ZNF609: variants seen among roughly 807,000 people sequenced by gnomAD.
ZNF609 encodes the protein zinc finger protein 609.
A neutral mutation model predicts 109.5 loss-of-function variants in ZNF609; 11 were observed. That is an observed-to-expected ratio of 0.10 (90% CI 0.06 to 0.17). ZNF609 has a LOEUF of 0.17. Ranked by LOEUF, ZNF609 falls within the 10% of genes least tolerant of loss-of-function variation. ZNF609 has a pLI of 1.00. For missense variants in ZNF609, 1,559 were observed against 1,772.4 expected, an observed-to-expected ratio of 0.88 and a Z score of 2.16; for synonymous variants, 646 against 662.0, an observed-to-expected ratio of 0.98 and a Z score of 0.37.
At chr15:64,466,206 G>A (rs969563604) in intron 1 of ZNF609, among the ~76,000 whole-genome samples, 2 of 150,228 alleles carry the variant, frequency 1.3e-5, no homozygotes, top group South Asian at 4.2e-4. Flanking sequence ...TGAAAATTCA[G>A]ATTTTTTAAT....
At chr15:64,664,182 T>C (rs1896616181) in intron 3 of ZNF609, among the ~76,000 whole-genome samples, 1 of 152,006 alleles carries the variant, frequency 6.6e-6, no homozygotes, top group Non-Finnish European at 1.5e-5. Context: ...GAGCCGAGAT[T>C]GCACCACTGC....
At chr15:64,582,723 CTTTTTTTTTTTTTTTGAGACAGAGTCTTT>C (rs1895127987) in intron 2 of ZNF609, among the ~76,000 whole-genome samples, 1 of 88,814 alleles carries the variant, frequency 1.1e-5, no homozygotes, top group African/African-American at 4.5e-5. Flanking sequence ...TTTCTTTTTT[CTTTTTTTTTTTTTTTGAGACAGAGTCTTT>C]TTTTTTTTTT....
chr15:64,586,024 G>C (rs1895189390), intron 2 of ZNF609, among the ~76,000 whole-genome samples: 1 of 151,776 alleles, frequency 6.6e-6, no homozygotes, highest in South Asian at 2.1e-4. Flanking sequence ...TGTTATTTTT[G>C]TAGAAATGGG....
At chr15:64,470,653 C>T (rs1410585348) in intron 1 of ZNF609, 2 of 152,102 alleles carry the variant, frequency 1.3e-5, no homozygotes, top group African/African-American at 4.8e-5. Context: ...TCCTGAGTAG[C>T]TGGGATTACA....
intron 3 of ZNF609, chr15:64,654,091 G>A (rs1896455480): frequency 6.6e-6 from 1 of 152,258 alleles, no homozygotes; most frequent in Non-Finnish European, 1.5e-5. Context: ...CCAGGCTGGA[G>A]TGCAGTGGTG....
rs1596377733 is a variant in ZNF609, at chr15:64,478,816, A to G, written c.-128+17978A>G. Among the ~76,000 whole-genome samples the G allele has an allele frequency of 2.6e-5, 4 of 152,326 alleles. 1 individual carries two copies. The South Asian group carries it at 8.3e-4, about 32-fold the overall frequency. ...TCTCTGGGAGGGTTTGCTGTATATC[A>G]AACTTGAAGTCATACATTCTCCCTA... is the stretch of plus-strand genomic sequence containing the variant. On this transcript the variant is annotated intron_variant, in intron 1 of 9. Coordinates refer to ENST00000326648, the MANE Select transcript of ZNF609 (RefSeq NM_015042.2).
At chr15:64,584,685 A>G (rs917657477) in intron 2 of ZNF609, among the ~76,000 whole-genome samples, 4 of 151,672 alleles carry the variant, frequency 2.6e-5, no homozygotes, top group African/African-American at 7.3e-5. Flanking sequence ...CTGGAGTGCA[A>G]TGGTGCAAGC....
chr15:64,554,457 A>G (rs1894543187), intron 2 of ZNF609, among the ~76,000 whole-genome samples: 1 of 151,962 alleles, frequency 6.6e-6, no homozygotes. Context: ...CCTGGACAAC[A>G]AGACAAAACC....
At chr15:64,567,161 G>T (rs938993095) in intron 2 of ZNF609, among the ~76,000 whole-genome samples, 5 of 152,046 alleles carry the variant, frequency 3.3e-5, no homozygotes, top group African/African-American at 1.2e-4. Flanking sequence ...CTTTCAGTGG[G>T]GATAGTGTGA....
intron 1 of ZNF609, among the ~76,000 whole-genome samples, chr15:64,483,707 G>A (rs527501318): frequency 1.3e-5 from 2 of 152,284 alleles, no homozygotes; most frequent in Non-Finnish European, 2.9e-5. Context: ...TCTACTGACA[G>A]CATTACACTC....
At chr15:64,473,771 A>T (rs1375855920) in intron 1 of ZNF609, among the ~76,000 whole-genome samples, 2 of 151,624 alleles carry the variant, frequency 1.3e-5, no homozygotes, top group Non-Finnish European at 1.5e-5. Context: ...ACGCCCAGCT[A>T]ATTTTTGTAT....
At chr15:64,604,941 C>T (rs975132167) in intron 2 of ZNF609, among the ~76,000 whole-genome samples, 2 of 152,128 alleles carry the variant, frequency 1.3e-5, no homozygotes, top group Admixed American at 1.3e-4. Flanking sequence ...ACGCCATTCT[C>T]CTGCCTCAGC....
At chr15:64,571,456 A>G (rs1331150258) in intron 2 of ZNF609, among the ~76,000 whole-genome samples, 2 of 151,918 alleles carry the variant, frequency 1.3e-5, no homozygotes. Context: ...AACAGCTGCT[A>G]TTTTTATTGT....
At chr15:64,651,899 A>G (rs1301412420) in intron 3 of ZNF609, among the ~76,000 whole-genome samples, 1 of 152,024 alleles carries the variant, frequency 6.6e-6, no homozygotes, top group East Asian at 1.9e-4. Context: ...TTCACGTGTT[A>G]TGTATTACCT....
At chr15:64,503,500 C>G (rs1328519761) in intron 2 of ZNF609, among the ~76,000 whole-genome samples, 12 of 152,108 alleles carry the variant, frequency 7.9e-5, no homozygotes, top group African/African-American at 2.9e-4. Flanking sequence ...GCTTATGTCG[C>G]CACTCTGACA....
In ZNF609 at chr15:64,653,883, G is replaced by A. The variant is rs1896451899; in HGVS notation, c.974-16463G>A. Among the ~76,000 whole-genome samples, 4 of 152,104 alleles carry A rather than the reference G, an allele frequency of 2.6e-5. No individual in the cohort carries two copies. The South Asian group carries it at 8.3e-4, about 32-fold the overall frequency. ...GCCAAAGAGCTATAAAAAATTGGTA[G>A]CAAAGTCACCAACTTGCTAGGAATC... On this transcript the variant is annotated intron_variant, in intron 3 of 9. Coordinates refer to ENST00000326648, the MANE Select transcript of ZNF609 (RefSeq NM_015042.2).
rs1894022612 is a variant in ZNF609 at position 64,529,471 on chromosome 15, A to G, written c.747+29305A>G. 2.2e-5 allele frequency: 23 copies of G among 1,036,588 alleles called. 1 individual carries two copies. The South Asian group carries it at 2.9e-4, about 13-fold the overall frequency. 64.2% of individuals were successfully genotyped at this position (1,036,588 alleles called of 1,614,324 possible). ...GGTGATGGGGTTTCCATTGATGACAAGCGTCCCGTTCTCAGCCTTGACGGT... is the reference window on the plus strand; with the variant it reads ...GGTGATGGGGTTTCCATTGATGACAGGCGTCCCGTTCTCAGCCTTGACGGT... On this transcript the variant is annotated intron_variant, in intron 2 of 9. Transcript: ENST00000326648.
chr15:64,618,285 T>A (rs891917849), intron 2 of ZNF609, among the ~76,000 whole-genome samples: 1 of 151,722 alleles, frequency 6.6e-6, no homozygotes, highest in Non-Finnish European at 1.5e-5. Flanking sequence ...GCAATGGGAG[T>A]GTGGCTCACT....
At chr15:64,610,789 C>T (rs995219150) in intron 2 of ZNF609, among the ~76,000 whole-genome samples, 2 of 152,122 alleles carry the variant, frequency 1.3e-5, no homozygotes, top group African/African-American at 2.4e-5. Context: ...ATTTAGAATT[C>T]TCATGTTTTC....
Sources: allele counts gnomAD v4.1 joint callset (sites outside exome capture counted in the v4.1 genomes callset), GRCh38; gene constraint gnomAD v4.1.1; transcripts MANE v1.5; gene names NCBI Gene and HGNC (gene_info 2026-07-23, HGNC 2026-07-21).